The following MAF variants were observed in gnomAD, a reference collection of about 807,000 sequenced individuals.
MAF encodes transcription factor Maf.
A neutral mutation model predicts 22.0 loss-of-function variants in MAF; 10 were observed. The observed-to-expected ratio is 0.45, with a 90% confidence interval of 0.28 to 0.77. MAF has a LOEUF of 0.77. MAF is among the 30% of genes least tolerant of loss of function. MAF has a pLI of 0.12. For missense variants in MAF, 544 were observed against 548.4 expected, an observed-to-expected ratio of 0.99 and a Z score of 0.08; for synonymous variants, 337 against 255.8, an observed-to-expected ratio of 1.32 and a Z score of -3.03.
chr16:79,539,684 G>A, the MAF span, among the ~76,000 whole-genome samples: 10 of 152,258 alleles, frequency 6.6e-5, no homozygotes, highest in Non-Finnish European at 1.2e-4. Context: ...TCCAATAATA[G>A]TTTGATAATT....
At chr16:79,427,090 T>A in the MAF span, among the ~76,000 whole-genome samples, 1 of 152,210 alleles carries the variant, frequency 6.6e-6, no homozygotes, top group Non-Finnish European at 1.5e-5. Flanking sequence ...CCACTCCTAA[T>A]CTGTTGTGAG....
At chr16:79,558,002 G>A in the MAF span, among the ~76,000 whole-genome samples, 1 of 151,812 alleles carries the variant, frequency 6.6e-6, no homozygotes, top group Non-Finnish European at 1.5e-5. Context: ...CAAGAAAATG[G>A]TTCAGGGGAA....
the MAF span, among the ~76,000 whole-genome samples, chr16:79,579,503 C>T: frequency 2.0e-5 from 3 of 151,826 alleles, no homozygotes; most frequent in African/African-American, 4.8e-5. Flanking sequence ...TTTAGTTTAC[C>T]GATACCAAAC....
the MAF span, among the ~76,000 whole-genome samples, chr16:79,490,263 C>A: frequency 6.6e-6 from 1 of 152,176 alleles, no homozygotes; most frequent in Non-Finnish European, 1.5e-5. Flanking sequence ...GGCTGGAAAT[C>A]TCCCTTCGTC....
At chr16:79,339,897 G>T in the MAF span, among the ~76,000 whole-genome samples, 1 of 152,144 alleles carries the variant, frequency 6.6e-6, no homozygotes, top group African/African-American at 2.4e-5. Context: ...TCCGCTAAAA[G>T]CATCCTGCCA....
chr16:79,209,459 A>G, the MAF span, among the ~76,000 whole-genome samples: 1 of 152,340 alleles, frequency 6.6e-6, no homozygotes, highest in African/African-American at 2.4e-5. Context: ...GAACAGTGAA[A>G]GGCCAGTCTG....
the MAF span, among the ~76,000 whole-genome samples, chr16:79,214,718 T>C: frequency 1.6e-5 from 2 of 128,546 alleles, no homozygotes; most frequent in African/African-American, 5.7e-5. Flanking sequence ...TTTTTTTTTT[T>C]TTTTTTTTTT....
chr16:79,349,645 G>A, the MAF span, among the ~76,000 whole-genome samples: 1 of 152,144 alleles, frequency 6.6e-6, no homozygotes, highest in Admixed American at 6.5e-5. Flanking sequence ...GAACCCAGAG[G>A]ATCATGCCCT....
At chr16:79,595,981 C>G in intron 1 of MAF, 1 of 1,060,936 alleles carries the variant, frequency 9.4e-7, no homozygotes, top group Non-Finnish European at 1.1e-6. Flanking sequence ...TAAATCTTGT[C>G]AGGCCTTGCT....
chr16:79,498,152 G>C, the MAF span, among the ~76,000 whole-genome samples: 1 of 152,142 alleles, frequency 6.6e-6, no homozygotes, highest in Non-Finnish European at 1.5e-5. Flanking sequence ...AGGAAGTGGT[G>C]GTATCTTAGC....
the MAF span, among the ~76,000 whole-genome samples, chr16:79,485,665 G>C: frequency 3.3e-5 from 5 of 152,164 alleles, no homozygotes; most frequent in Non-Finnish European, 7.3e-5. Flanking sequence ...CTTAAGATCA[G>C]GTGATTTAAA....
At chr16:79,243,026 G>C in the MAF span, among the ~76,000 whole-genome samples, 6 of 152,184 alleles carry the variant, frequency 3.9e-5, no homozygotes, top group Admixed American at 3.9e-4. Context: ...CAAAGTACCA[G>C]AGTCTCTGGG....
chr16:79,223,735 T>A, the MAF span, among the ~76,000 whole-genome samples: 1 of 152,186 alleles, frequency 6.6e-6, no homozygotes, highest in Admixed American at 6.5e-5. Context: ...TAAACACCTC[T>A]GTGCAAATAA....
the MAF span, among the ~76,000 whole-genome samples, chr16:79,402,936 T>C: frequency 3.3e-5 from 5 of 151,990 alleles, no homozygotes; most frequent in African/African-American, 1.2e-4. Flanking sequence ...CATGTGGAGG[T>C]TGTGGAGCCT....
At chr16:79,585,354 G>A (rs1777822375), downstream of MAF, among the ~76,000 whole-genome samples, 1 of 152,132 alleles carries the variant, frequency 6.6e-6, no homozygotes, top group Non-Finnish European at 1.5e-5. Flanking sequence ...GCAGAAGTGG[G>A]GACACACTGT....
chr16:79,546,402 G>C, the MAF span, among the ~76,000 whole-genome samples: 1 of 152,068 alleles, frequency 6.6e-6, no homozygotes, highest in Non-Finnish European at 1.5e-5. Context: ...TTTTATGAAT[G>C]AGTGACTTGG....
chr16:79,212,500 C>G, the MAF span: 3 of 204,040 alleles, frequency 1.5e-5, no homozygotes, highest in Admixed American at 1.0e-4. Context: ...GGAAGGGAAG[C>G]GTATATACTT....
chr16:79,238,301 G>C, the MAF span, among the ~76,000 whole-genome samples: 1 of 152,030 alleles, frequency 6.6e-6, no homozygotes, highest in Non-Finnish European at 1.5e-5. Context: ...CACAATGAAA[G>C]CTTTCTGCTT....
chr16:79,528,498 G>C, the MAF span, among the ~76,000 whole-genome samples: 8 of 152,208 alleles, frequency 5.3e-5, no homozygotes, highest in East Asian at 1.6e-3. Flanking sequence ...AGCAAGGCAT[G>C]GCTCTCTCTT....
Sources: allele counts gnomAD v4.1 joint callset (sites outside exome capture counted in the v4.1 genomes callset), GRCh38; gene constraint gnomAD v4.1.1; transcripts MANE v1.5; gene names NCBI Gene and HGNC (gene_info 2026-07-23, HGNC 2026-07-21).